STK33: variants seen among roughly 807,000 people sequenced by gnomAD.
The protein encoded by STK33 is serine/threonine kinase 33.
In STK33, 52 loss-of-function variants were observed where a neutral mutation model predicts 58.0. That is an observed-to-expected ratio of 0.90 (90% confidence interval 0.72 to 1.13). The LOEUF is 1.13. STK33 is among the 50% of genes most tolerant of loss of function. The pLI is 0.00. For synonymous variants in STK33, 215 were observed against 200.1 expected (o/e 1.07, Z -0.63); for missense variants, 630 against 604.2 (o/e 1.04, Z -0.45).
At chr11:8,408,645 ATGTT>A (rs1939680940) in intron 15 of STK33, among the ~76,000 whole-genome samples, 1 of 152,222 alleles carries the variant, frequency 6.6e-6, no homozygotes, top group Non-Finnish European at 1.5e-5. Context: ...TTATTCAACT[ATGTT>A]TGAGAGGTCC....
At chr11:8,372,611 T>C in the STK33 span, among the ~76,000 whole-genome samples, 3 of 152,372 alleles carry the variant, frequency 2.0e-5, no homozygotes, top group South Asian at 2.1e-4. Context: ...CTGCTCTTCA[T>C]GCATCCCACC....
chr11:8,492,011 C>T (rs1003646954), intron 1 of STK33, among the ~76,000 whole-genome samples: 12 of 152,146 alleles, frequency 7.9e-5, no homozygotes, highest in Non-Finnish European at 1.3e-4. Context: ...TAAAGACCAT[C>T]AATGCTAGGA....
At chr11:8,414,058 C>T (rs1167253972) in intron 14 of STK33, among the ~76,000 whole-genome samples, 2 of 152,104 alleles carry the variant, frequency 1.3e-5, no homozygotes, top group Non-Finnish European at 2.9e-5. Context: ...AAAGAAGTTG[C>T]CCAAACGCCA....
intron 1 of STK33, among the ~76,000 whole-genome samples, chr11:8,501,610 T>C (rs1284246284): frequency 6.6e-6 from 1 of 152,128 alleles, no homozygotes; most frequent in African/African-American, 2.4e-5. Context: ...GAATGTAAAA[T>C]GGTATAGCCA....
At chr11:8,399,312 C>G (rs1182720323) in intron 15 of STK33, among the ~76,000 whole-genome samples, 2 of 152,200 alleles carry the variant, frequency 1.3e-5, no homozygotes, top group Non-Finnish European at 2.9e-5. Context: ...GATTAAGAAA[C>G]TCACTCAAAA....
At chr11:8,384,642 A>T in the STK33 span, among the ~76,000 whole-genome samples, 1 of 152,176 alleles carries the variant, frequency 6.6e-6, no homozygotes, top group Non-Finnish European at 1.5e-5. Flanking sequence ...GATCTCTCTG[A>T]TAAGTGCGTA....
At chr11:8,404,771 C>T (rs77196668) in intron 15 of STK33, among the ~76,000 whole-genome samples, 7,331 of 152,128 alleles carry the variant, frequency 0.048, 255 homozygotes, top group Non-Finnish European at 0.065. Flanking sequence ...TACATAAATC[C>T]GCTACAAACA....
the STK33 span, among the ~76,000 whole-genome samples, chr11:8,351,861 T>C: frequency 9.5e-4 from 144 of 152,260 alleles, 1 homozygote; most frequent in Non-Finnish European, 1.3e-3. Flanking sequence ...GGAAGAAGGT[T>C]AGGCACACAC....
chr11:8,336,855 G>T, the STK33 span, among the ~76,000 whole-genome samples: 1 of 152,252 alleles, frequency 6.6e-6, no homozygotes, highest in Non-Finnish European at 1.5e-5. Flanking sequence ...TGCTCTGCAG[G>T]CAGGGCCAGG....
the STK33 span, among the ~76,000 whole-genome samples, chr11:8,384,779 C>T: frequency 6.6e-6 from 1 of 152,188 alleles, no homozygotes; most frequent in Non-Finnish European, 1.5e-5. Context: ...ACTCTCCTTA[C>T]CCTGCCCCCT....
At chr11:8,549,717 T>C (rs1956178500) in intron 1 of STK33, among the ~76,000 whole-genome samples, 2 of 152,168 alleles carry the variant, frequency 1.3e-5, no homozygotes, top group African/African-American at 4.8e-5. Flanking sequence ...TGATAGGTTA[T>C]GTATATAGGA....
intron 1 of STK33, among the ~76,000 whole-genome samples, chr11:8,509,467 TGATGAA>T (rs1294275024): frequency 6.6e-6 from 1 of 152,228 alleles, no homozygotes; most frequent in Non-Finnish European, 1.5e-5. Context: ...CTGAATCTAA[TGATGAA>T]TATGTTTTAA....
In STK33 at chr11:8,557,286, G is replaced by GAAGGGAGAGGAGAGAA. The variant is rs150095375; in HGVS notation, c.-466+36796_-466+36797insTTCTCTCCTCTCCCTT. On this transcript the variant is annotated intron_variant, in intron 1 of 15. Transcript: ENST00000687296. ...GGAGGGGAGGGGAGGGGAGGGGAGG[G>GAAGGGAGAGGAGAGAA]GAGGAGAGAAGAGGAGAGGGAGGAG... 1.5e-3 allele frequency among the ~76,000 whole-genome samples: 53 copies of GAAGGGAGAGGAGAGAA among 34,302 alleles called. 1 individual carries two copies. Among genetic ancestry groups the GAAGGGAGAGGAGAGAA allele is most frequent in the Non-Finnish European group, 1.9e-3 (32 of 17,176 alleles). 22.5% of individuals were successfully genotyped at this position (34,302 alleles called of 152,430 possible).
chr11:8,394,237 C>A (rs946915620), intron 15 of STK33, among the ~76,000 whole-genome samples: 2 of 152,174 alleles, frequency 1.3e-5, no homozygotes, highest in Admixed American at 1.3e-4. Context: ...TACAACACCC[C>A]TGATGTTAGA....
chr11:8,479,347 C>A (rs575004167), intron 2 of STK33, among the ~76,000 whole-genome samples: 39 of 151,508 alleles, frequency 2.6e-4, no homozygotes, highest in African/African-American at 9.0e-4. Context: ...GCAGGAGAAT[C>A]GCTTGAACCC....
At chr11:8,491,966 A>G (rs943245464) in intron 1 of STK33, among the ~76,000 whole-genome samples, 6 of 152,232 alleles carry the variant, frequency 3.9e-5, no homozygotes, top group Non-Finnish European at 7.3e-5. Context: ...GAAAGGAACA[A>G]CCAGTACCAG....
intron 1 of STK33, among the ~76,000 whole-genome samples, chr11:8,504,635 A>T (rs1253437430): frequency 2.0e-5 from 3 of 151,920 alleles, no homozygotes; most frequent in Non-Finnish European, 4.4e-5. Context: ...AAAAATAAAA[A>T]ATAAAAATAA....
chr11:8,461,055 T>C (rs955934759), intron 8 of STK33, among the ~76,000 whole-genome samples: 3 of 152,228 alleles, frequency 2.0e-5, no homozygotes, highest in African/African-American at 7.2e-5. Context: ...GTCAACACTG[T>C]TATCAAGCCC....
At chr11:8,432,136 T>C (rs892417049) in intron 14 of STK33, among the ~76,000 whole-genome samples, 2 of 152,212 alleles carry the variant, frequency 1.3e-5, no homozygotes, top group Non-Finnish European at 2.9e-5. Flanking sequence ...GAATTAATGT[T>C]TGAATATCAT....
Sources: gnomAD v4.1 joint callset for allele counts (sites outside exome capture counted in the v4.1 genomes callset) on GRCh38, gnomAD v4.1.1 for gene constraint, MANE v1.5 for transcripts, NCBI Gene and HGNC (gene_info 2026-07-23, HGNC 2026-07-21) for gene names.